The following CNTN5 variants were observed in gnomAD, a reference collection of about 807,000 sequenced individuals.
CNTN5 encodes the protein contactin-5.
CNTN5 carries 77 observed loss-of-function variants against 129.1 expected under a neutral mutation model. The observed-to-expected ratio is 0.60, with a 90% CI of 0.50 to 0.72. CNTN5 has a LOEUF of 0.72. Among genes scored for constraint, CNTN5 ranks in the 30% least tolerant of loss-of-function variants. The probability of loss-of-function intolerance (pLI) is 0.00; values close to 1 mark genes in which losing one functional copy is unlikely to be tolerated. For synonymous variants in CNTN5, 509 were observed against 465.6 expected, an observed-to-expected ratio of 1.09 and a Z score of -1.20; for missense variants, 1,478 against 1,328.8, an observed-to-expected ratio of 1.11 and a Z score of -1.75.
At chr11:99,734,418 T>C (rs1419502255) in intron 3 of CNTN5, among the ~76,000 whole-genome samples, 1 of 152,154 alleles carries the variant, frequency 6.6e-6, no homozygotes, top group Non-Finnish European at 1.5e-5. Context: ...CCATGTTAGG[T>C]GTCATCGTAT....
At chr11:99,898,982 T>G (rs573251000) in intron 6 of CNTN5, among the ~76,000 whole-genome samples, 2 of 152,128 alleles carry the variant, frequency 1.3e-5, no homozygotes, top group East Asian at 3.9e-4. Context: ...TTAGATAGAA[T>G]TAATGAAACT....
intron 3 of CNTN5, among the ~76,000 whole-genome samples, chr11:99,760,075 A>T (rs565943564): frequency 8.5e-5 from 13 of 152,254 alleles, no homozygotes; most frequent in African/African-American, 2.6e-4. Context: ...TGTAGTAGTG[A>T]GATGAAACAT....
chr11:99,079,602 A>G (rs1163401279), intron 1 of CNTN5, among the ~76,000 whole-genome samples: 1 of 152,202 alleles, frequency 6.6e-6, no homozygotes, highest in Non-Finnish European at 1.5e-5. Flanking sequence ...CGAATATAGA[A>G]TACAAAATTT....
At chr11:99,236,613 G>A (rs981492719) in intron 1 of CNTN5, among the ~76,000 whole-genome samples, 13 of 152,022 alleles carry the variant, frequency 8.6e-5, no homozygotes, top group African/African-American at 3.1e-4. Context: ...TTGGTAAAAT[G>A]CAGATAGTTA....
intron 3 of CNTN5, among the ~76,000 whole-genome samples, chr11:99,593,943 A>ATAT (rs1950051835): frequency 1.3e-5 from 2 of 152,180 alleles, no homozygotes; most frequent in African/African-American, 4.8e-5. Flanking sequence ...AGAGGTCAAC[A>ATAT]GCGTGAAGTG....
intron 7 of CNTN5, among the ~76,000 whole-genome samples, chr11:99,954,715 A>T (rs1176132305): frequency 6.6e-6 from 1 of 152,220 alleles, no homozygotes; most frequent in South Asian, 2.1e-4. Flanking sequence ...GAATATTAAA[A>T]GATGTTTAGC....
intron 16 of CNTN5, among the ~76,000 whole-genome samples, chr11:100,242,393 C>CT (rs1478898198): frequency 6.6e-6 from 1 of 152,082 alleles, no homozygotes; most frequent in African/African-American, 2.4e-5. Flanking sequence ...ACTTTCTTCT[C>CT]TTTAAAAGTC....
intron 2 of CNTN5, among the ~76,000 whole-genome samples, chr11:99,417,066 A>G (rs896486908): frequency 6.6e-6 from 1 of 152,220 alleles, no homozygotes; most frequent in South Asian, 2.1e-4. Flanking sequence ...TTTAAAATCA[A>G]TGACCTTCAC....
At chr11:99,228,970 A>G (rs972456148) in intron 1 of CNTN5, among the ~76,000 whole-genome samples, 1 of 151,928 alleles carries the variant, frequency 6.6e-6, no homozygotes, top group Non-Finnish European at 1.5e-5. Flanking sequence ...TGTATATTTT[A>G]CATACATTTA....
At chr11:99,550,136 A>C (rs1237466344) in intron 2 of CNTN5, among the ~76,000 whole-genome samples, 1 of 152,158 alleles carries the variant, frequency 6.6e-6, no homozygotes, top group Non-Finnish European at 1.5e-5. Flanking sequence ...TGCCTCCAAA[A>C]CATGTGAACA....
At chr11:99,766,008 T>G (rs1944741641) in intron 3 of CNTN5, among the ~76,000 whole-genome samples, 2 of 152,058 alleles carry the variant, frequency 1.3e-5, no homozygotes, top group African/African-American at 4.8e-5. Context: ...TACTAGCATC[T>G]TGAATATCAT....
At chr11:99,538,152 C>A (rs1353197173) in intron 2 of CNTN5, among the ~76,000 whole-genome samples, 1 of 152,170 alleles carries the variant, frequency 6.6e-6, no homozygotes, top group Non-Finnish European at 1.5e-5. Flanking sequence ...TTAAAATATG[C>A]AGTGTTCAAT....
At chr11:99,347,474 A>T (rs1036233505) in intron 2 of CNTN5, among the ~76,000 whole-genome samples, 4 of 152,194 alleles carry the variant, frequency 2.6e-5, no homozygotes, top group Non-Finnish European at 5.9e-5. Context: ...GGCTCAAATA[A>T]CATAATAGCT....
intron 2 of CNTN5, among the ~76,000 whole-genome samples, chr11:99,343,988 A>C (rs966690622): frequency 2.2e-4 from 34 of 152,346 alleles, no homozygotes; most frequent in African/African-American, 7.9e-4. Context: ...AAAAAATACA[A>C]TGTGACTATT....
At chr11:100,155,585 C>A (rs1483367233) in intron 13 of CNTN5, among the ~76,000 whole-genome samples, 2 of 152,066 alleles carry the variant, frequency 1.3e-5, no homozygotes, top group African/African-American at 4.8e-5. Context: ...ATGGGGATAG[C>A]AATGAATCTA....
At chr11:99,324,132 C>T (rs1228594011) in intron 1 of CNTN5, among the ~76,000 whole-genome samples, 1 of 152,052 alleles carries the variant, frequency 6.6e-6, no homozygotes, top group East Asian at 1.9e-4. Context: ...TCCTGAAGTT[C>T]CAAATAATAT....
Position 99,819,606 on chromosome 11 carries a change from A to G in CNTN5, c.118A>G (p.Ser40Gly). Residue 40 changes from serine (S) to glycine (G), a missense_variant, in exon 4 of 25, where the codon AGT becomes GGT. Transcript: ENST00000524871. ...SYAALLRIKK[S>G]SSSSLFGSKT... ...TGCTGCTTTGTTAAGAATTAAGAAG[A>G]GTTCATCTTCATCTCTCTTTGGTTC... 2.5e-6 allele frequency: 4 copies of G among 1,612,994 alleles called. No individual in the cohort carries two copies. The highest frequency in any genetic ancestry group is 1.1e-5 in the South Asian group (1 of 91,084).
At chr11:99,228,433 A>T (rs2135721109) in intron 1 of CNTN5, among the ~76,000 whole-genome samples, 1 of 152,198 alleles carries the variant, frequency 6.6e-6, no homozygotes, top group African/African-American at 2.4e-5. Context: ...GAGCAGGGTG[A>T]TGGTTAATAG....
rs555785251 is a variant in CNTN5, at chr11:99,664,116, T to C, written c.55+107847T>C. The stretch of plus-strand genomic sequence containing the variant: ...TAAAGTCTATTAAGACTGAGCCTTA[T>C]GTCTTTCAGTTTGTACTCTATCACT... On this transcript the variant is annotated intron_variant, in intron 3 of 24. Transcript: ENST00000524871. Among the ~76,000 whole-genome samples the C allele has an allele frequency of 5.9e-5, 9 of 152,304 alleles. No homozygotes were observed. The East Asian group carries it at 1.5e-3, about 26-fold the overall frequency.
Sources: allele counts gnomAD v4.1 joint callset (sites outside exome capture counted in the v4.1 genomes callset), GRCh38; gene constraint gnomAD v4.1.1; transcripts MANE v1.5; gene names NCBI Gene and HGNC (gene_info 2026-07-23, HGNC 2026-07-21).